The following PITPNM2 variants were observed in gnomAD, a reference collection of about 807,000 sequenced individuals.
The protein encoded by PITPNM2 is membrane-associated phosphatidylinositol transfer protein 2.
Under a neutral mutation model 132.2 loss-of-function variants are expected in PITPNM2, and 35 were observed. The ratio of observed to expected loss-of-function variants is 0.26; its 90% CI spans 0.20 to 0.35. PITPNM2 has a LOEUF of 0.35. Among genes scored for constraint, PITPNM2 ranks in the 10% least tolerant of loss-of-function variants. The pLI, the probability that PITPNM2 is intolerant of heterozygous loss-of-function variation, is 1.00. For missense variants in PITPNM2, 1,332 were observed against 1,912.0 expected (o/e 0.70, Z 5.66); for synonymous variants, 738 against 799.2 (o/e 0.92, Z 1.29).
chr12:123,025,382 G>C (rs972776898), intron 3 of PITPNM2, among the ~76,000 whole-genome samples: 1 of 151,958 alleles, frequency 6.6e-6, no homozygotes, highest in African/African-American at 2.4e-5. Flanking sequence ...GTCAGGGCAG[G>C]CATGTGTCAT....
intron 1 of PITPNM2, among the ~76,000 whole-genome samples, chr12:123,136,230 A>C (rs2043378819): frequency 6.6e-6 from 1 of 151,958 alleles, no homozygotes; most frequent in Admixed American, 6.6e-5. Context: ...TGAACCCAGG[A>C]GGCAGAGCTT....
Position 123,108,203 on chromosome 12 carries a change from AG to A in PITPNM2, c.-96+2181del, listed in dbSNP as rs1248216434. Among the ~76,000 whole-genome samples the A allele has an allele frequency of 6.6e-6, 1 of 152,214 alleles. No homozygotes were observed. Among genetic ancestry groups the A allele is most frequent in the Non-Finnish European group, 1.5e-5 (1 of 68,042 alleles). On this transcript the variant is annotated intron_variant, in intron 2 of 25. Transcript: ENST00000320201. The surrounding 1 kb of genome is among the most constrained non-coding windows in gnomAD (Gnocchi z 4.4). ...CTGGAATGGTCCCTGGTGCAAACTA[AG>A]TAACAATAAATACTTTATGGACAAA...
intron 1 of PITPNM2, among the ~76,000 whole-genome samples, chr12:123,125,249 G>C (rs762224821): frequency 6.6e-6 from 1 of 152,152 alleles, no homozygotes; most frequent in Non-Finnish European, 1.5e-5. Context: ...GTAAGTGAAA[G>C]AATGAATGAG....
chr12:123,105,980 C>A (rs574490001), intron 2 of PITPNM2, among the ~76,000 whole-genome samples: 17 of 152,286 alleles, frequency 1.1e-4, no homozygotes, highest in Admixed American at 4.6e-4. Context: ...CCTTCCTGGC[C>A]CTGCCTGTCC....
In PITPNM2 at chr12:122,986,416, C is replaced by T; in HGVS notation, c.3726+20G>A. 6.4e-7 allele frequency: 1 copy of T among 1,566,716 alleles called. No homozygotes were observed. Among genetic ancestry groups the T allele is most frequent in the Non-Finnish European group, 8.6e-7 (1 of 1,156,788 alleles). On this transcript the variant is annotated intron_variant, in intron 25 of 25. Transcript: ENST00000320201. ...CCCGAGCTGCCCGCCTGCACCCGCC[C>T]CCACAATGCGCCCACTCACCTGGCA...
Position 123,097,432 on chromosome 12 carries a change from C to T in PITPNM2, c.-96+12953G>A, listed in dbSNP as rs891489418. Among the ~76,000 whole-genome samples, 18 of 152,212 alleles carry T rather than the reference C, an allele frequency of 1.2e-4. No homozygotes were observed. The highest frequency in any genetic ancestry group is 3.9e-4 in the African/African-American group (16 of 41,450). On this transcript the variant is annotated intron_variant, in intron 2 of 25. Transcript: ENST00000320201. This position sits in a 1 kb window ranked among gnomAD's most constrained non-coding sequence, Gnocchi z 4.7. Reference sequence around the variant, plus strand: ...TTCTGCACAGTCCTCAAGAGGCCAGCACCTCCTTTCCTCTCCTTGGCAGAC... The same window carrying T: ...TTCTGCACAGTCCTCAAGAGGCCAGTACCTCCTTTCCTCTCCTTGGCAGAC...
chr12:123,005,581 G>C lies in PITPNM2; in HGVS notation c.644-33C>G. ...CCATGGGGATCAGAGAGGGAGAGAC[G>C]AGGGGAGGGAGGTCAGCGCAGGAGC... On this transcript the variant is annotated intron_variant, in intron 6 of 25. Transcript: ENST00000320201. This position sits in a 1 kb window ranked among gnomAD's most constrained non-coding sequence, Gnocchi z 6.2. The C allele has an allele frequency of 6.3e-7, 1 of 1,592,852 alleles. No homozygotes were observed. Among genetic ancestry groups the C allele is most frequent in the Non-Finnish European group, 8.6e-7 (1 of 1,168,124 alleles).
Position 122,986,552 on chromosome 12 carries a change from C to T in PITPNM2, c.3610G>A (p.Val1204Met), listed in dbSNP as rs1337554107. ...KLLISELHLR[V>M]HAAYGSTKDV... ...TTGGTGGAGCCATAGGCCGCGTGCACGCGCAGGTGCAGCTGTGGGGAGACT... is the reference window on the plus strand; with the variant it reads ...TTGGTGGAGCCATAGGCCGCGTGCATGCGCAGGTGCAGCTGTGGGGAGACT... The change falls in exon 25 of 26, where the codon GTG becomes ATG. Residue 1204 changes from valine to methionine, a missense_variant. Val to Met is a conservative substitution (Grantham distance 21). Transcript: ENST00000320201. The T allele has an allele frequency of 2.5e-6, 4 of 1,597,306 alleles. No homozygotes were observed. Among genetic ancestry groups the T allele is most frequent in the South Asian group, 1.1e-5 (1 of 89,678 alleles).
intron 16 of PITPNM2, chr12:122,991,655 G>T: frequency 1.7e-6 from 2 of 1,208,336 alleles, no homozygotes; most frequent in Non-Finnish European, 2.1e-6. Context: ...CAGGTCCCAC[G>T]AACTGTGAGT....
In PITPNM2 at chr12:123,022,629, C is replaced by T. The variant is rs2039711958; in HGVS notation, c.79-8587G>A. On this transcript the variant is annotated intron_variant, in intron 3 of 25. Transcript: ENST00000320201. This position sits in a 1 kb window ranked among gnomAD's most constrained non-coding sequence, Gnocchi z 4.9. The stretch of plus-strand genomic sequence containing the variant: ...TTGTGGGATCATGCTCCCCACTCCA[C>T]AAGTAAGAAACTGAGGCACAGAGTA... 6.6e-6 allele frequency among the ~76,000 whole-genome samples: 1 copy of T among 152,212 alleles called. No homozygotes were observed. The highest frequency in any genetic ancestry group is 6.5e-5 in the Admixed American group (1 of 15,282).
chr12:123,046,264 C>T (rs1566265418), intron 2 of PITPNM2, among the ~76,000 whole-genome samples: 1 of 152,026 alleles, frequency 6.6e-6, no homozygotes, highest in Non-Finnish European at 1.5e-5. Flanking sequence ...GACCCCACAT[C>T]CCAACAGCCC....
At chr12:123,040,886 T>C (rs1231157156) in intron 2 of PITPNM2, among the ~76,000 whole-genome samples, 2 of 152,260 alleles carry the variant, frequency 1.3e-5, no homozygotes, top group Non-Finnish European at 2.9e-5. Context: ...ACATGTCTGT[T>C]TGTATGAAGA....
At chr12:123,107,086 T>C (rs2042734011) in intron 2 of PITPNM2, among the ~76,000 whole-genome samples, 1 of 152,154 alleles carries the variant, frequency 6.6e-6, no homozygotes, top group African/African-American at 2.4e-5. Context: ...CCCTGGAAAG[T>C]CTGTGTCATT....
chr12:123,067,453 T>TCACACACACA (rs55716436), intron 2 of PITPNM2, among the ~76,000 whole-genome samples: 2 of 136,664 alleles, frequency 1.5e-5, no homozygotes, highest in African/African-American at 2.8e-5. Flanking sequence ...TGAAACTCCA[T>TCACACACACA]CACACACACA....
At chr12:123,105,886 G>A (rs1000376001) in intron 2 of PITPNM2, among the ~76,000 whole-genome samples, 18 of 152,282 alleles carry the variant, frequency 1.2e-4, no homozygotes, top group Middle Eastern at 3.4e-3. Flanking sequence ...CAGAGATGTA[G>A]AGAAACCCCC....
At chr12:123,061,901 C>T (rs981272209) in intron 2 of PITPNM2, among the ~76,000 whole-genome samples, 5 of 152,152 alleles carry the variant, frequency 3.3e-5, no homozygotes, top group Admixed American at 1.3e-4. Flanking sequence ...TGAGGGCTGG[C>T]TGCTGGGAAG....
chr12:123,000,218 C>T lies in PITPNM2; in HGVS notation c.1224+560G>A, dbSNP rs927185884. 5.0e-6 allele frequency: 3 copies of T among 597,570 alleles called. No individual in the cohort carries two copies. Among genetic ancestry groups the T allele is most frequent in the Admixed American group, 2.9e-5 (1 of 34,022 alleles). The allele number at this position is 597,570 out of a possible 1,614,324, so 37.0% of individuals were successfully genotyped here. A position where few individuals can be genotyped will look rare whatever the true frequency, so the allele number is the denominator to read the frequency against. ...GCCCAGCTCAGCCCTGGCTCCTGTC[C>T]CAGTGCAAACAGCTCTGACGGCCCG... is the stretch of plus-strand genomic sequence containing the variant. On this transcript the variant is annotated intron_variant, in intron 10 of 25. Coordinates refer to ENST00000320201, the MANE Select transcript of PITPNM2 (RefSeq NM_020845.3). This position sits in a 1 kb window ranked among gnomAD's most constrained non-coding sequence, Gnocchi z 5.4.
rs1296229675 is a variant in PITPNM2 at position 123,039,215 on chromosome 12, C to T, written c.-95-4530G>A. Among the ~76,000 whole-genome samples, 3 of 152,088 alleles carry T rather than the reference C, an allele frequency of 2.0e-5. No homozygotes were observed. In the East Asian group the frequency reaches 5.8e-4, roughly 29 times the overall value. On this transcript the variant is annotated intron_variant, in intron 2 of 25. Coordinates refer to ENST00000320201, the MANE Select transcript of PITPNM2 (RefSeq NM_020845.3). ...TCAAGGCTGCAGTGAGCCATGTTTG[C>T]GCTACTGCACTCCAGCCTGAATCAC...
intron 2 of PITPNM2, chr12:123,075,930 C>T (rs561834532): frequency 6.6e-6 from 1 of 152,384 alleles, no homozygotes; most frequent in South Asian, 2.1e-4. Flanking sequence ...CCTGAGCTCA[C>T]ACGAAAGCCC....
Sources: gnomAD v4.1 joint callset for allele counts (sites outside exome capture counted in the v4.1 genomes callset) on GRCh38, gnomAD v4.1.1 for gene constraint, Gnocchi (gnomAD v3.1) non-coding constraint, MANE v1.5 for transcripts, NCBI Gene and HGNC (gene_info 2026-07-23, HGNC 2026-07-21) for gene names.